The following DMD variants were observed in gnomAD, a reference collection of about 807,000 sequenced individuals.
DMD encodes the protein dystrophin.
A neutral mutation model predicts 330.1 loss-of-function variants in DMD; 63 were observed. The ratio of observed to expected loss-of-function variants is 0.19; its 90% CI spans 0.16 to 0.24. DMD has a LOEUF of 0.24. DMD is among the 10% of genes least tolerant of loss of function. The probability of loss-of-function intolerance (pLI) is 1.00; values close to 1 mark genes in which losing one functional copy is unlikely to be tolerated. For missense variants in DMD, 3,344 were observed against 2,684.1 expected (o/e 1.25, Z -5.43); for synonymous variants, 1,223 against 959.8 (o/e 1.27, Z -5.07).
chrX:32,711,415 TG>T (rs1453714043), intron 7 of DMD, among the ~76,000 whole-genome samples: 3 of 111,273 alleles, frequency 2.7e-5, no homozygotes, highest in African/African-American at 9.8e-5. Flanking sequence ...ATATGGGCTC[TG>T]ATCTTGGATT....
At chrX:31,949,471 T>C (rs542788795) in intron 45 of DMD, among the ~76,000 whole-genome samples, 115 of 111,723 alleles carry the variant, frequency 1.0e-3, no homozygotes, top group African/African-American at 3.4e-3. Flanking sequence ...CACAGGAATG[T>C]AATTTATTCT....
intron 1 of DMD, among the ~76,000 whole-genome samples, chrX:33,236,396 C>T (rs1341012334): frequency 9.2e-6 from 1 of 108,681 alleles, no homozygotes; most frequent in East Asian, 2.9e-4. Context: ...TCTCAAGTAG[C>T]TGGGATTACA....
intron 2 of DMD, among the ~76,000 whole-genome samples, chrX:32,892,484 C>G (rs1161074445): frequency 8.9e-6 from 1 of 111,920 alleles, no homozygotes; most frequent in Admixed American, 9.5e-5. Context: ...ACCTCTGCCT[C>G]CTGGGTTCAA....
intron 7 of DMD, among the ~76,000 whole-genome samples, chrX:32,767,370 C>A (rs903907080): frequency 1.4e-4 from 15 of 111,029 alleles, no homozygotes; most frequent in East Asian, 2.8e-4. Flanking sequence ...GGAAAAAAAA[C>A]CCCAAAATGA....
chrX:33,249,134 G>T (rs760430562), intron 1 of DMD, among the ~76,000 whole-genome samples: 1 of 111,884 alleles, frequency 8.9e-6, no homozygotes, highest in African/African-American at 3.2e-5. Context: ...CTTTATTATC[G>T]CTCAAATTTA....
intron 59 of DMD, among the ~76,000 whole-genome samples, chrX:31,449,763 G>GAT (rs59787771): frequency 0.06 from 3,742 of 62,165 alleles, 113 homozygotes; most frequent in Non-Finnish European, 0.075. Flanking sequence ...TAAATGGTGT[G>GAT]ATATATATAT....
At chrX:31,885,617 A>G (rs2094142031) in intron 47 of DMD, among the ~76,000 whole-genome samples, 1 of 86,846 alleles carries the variant, frequency 1.2e-5, no homozygotes, top group Non-Finnish European at 2.3e-5. Context: ...CTCACAAAAA[A>G]AAAAAAAAAA....
At chrX:31,146,739 T>C (rs920888814) in intron 75 of DMD, among the ~76,000 whole-genome samples, 1 of 112,173 alleles carries the variant, frequency 8.9e-6, no homozygotes, top group Non-Finnish European at 1.9e-5. Context: ...AAAACTGTAA[T>C]GGAAGATTCA....
At chrX:33,026,979 T>C (rs1299722125) in intron 1 of DMD, among the ~76,000 whole-genome samples, 4 of 112,237 alleles carry the variant, frequency 3.6e-5, no homozygotes, top group Non-Finnish European at 5.6e-5. Flanking sequence ...ATTTACTTTT[T>C]AGTCCTCTTC....
intron 2 of DMD, among the ~76,000 whole-genome samples, chrX:32,980,274 G>A (rs2092669590): frequency 9.6e-6 from 1 of 103,680 alleles, no homozygotes; most frequent in Non-Finnish European, 1.9e-5. Flanking sequence ...GCTGAGGCGC[G>A]AGGAATGCTT....
intron 44 of DMD, among the ~76,000 whole-genome samples, chrX:32,007,143 A>T (rs1461954571): frequency 9.6e-6 from 1 of 104,419 alleles, no homozygotes; most frequent in African/African-American, 3.5e-5. Context: ...TGGGTGCAGC[A>T]CACCAGCATG....
At chrX:31,990,473 CTA>C (rs1440381734) in intron 44 of DMD, among the ~76,000 whole-genome samples, 2 of 112,154 alleles carry the variant, frequency 1.8e-5, no homozygotes, top group African/African-American at 6.5e-5. Context: ...AGCTAAGAGA[CTA>C]TGCTAGTGTT....
intron 45 of DMD, among the ~76,000 whole-genome samples, chrX:31,942,225 G>A (rs897597418): frequency 9.0e-6 from 1 of 111,448 alleles, no homozygotes; most frequent in Admixed American, 9.5e-5. Context: ...TAGCCATTCT[G>A]TTCTGATTTC....
Position 33,010,000 on chromosome X carries a change from A to ATG in DMD, c.93+10137_93+10138dup, listed in dbSNP as rs1323678933. Among the ~76,000 whole-genome samples, 9 of 28,799 alleles carry ATG rather than the reference A, an allele frequency of 3.1e-4. 2 individuals carry two copies. Among genetic ancestry groups the ATG allele is most frequent in the Non-Finnish European group, 5.4e-4 (8 of 14,888 alleles). The allele number at this position is 28,799 out of a possible 115,157, so 25.0% of individuals were successfully genotyped here. A position where few individuals can be genotyped will look rare whatever the true frequency, so the allele number is the denominator to read the frequency against. ...TATACACATGTGTGTATATACACGTATGTATGTGTATATACACATATGTGT... is the reference window on the plus strand; with the variant it reads ...TATACACATGTGTGTATATACACGTATGTGTATGTGTATATACACATATGTGT... On this transcript the variant is annotated intron_variant, in intron 2 of 78. Transcript: ENST00000357033.
chrX:33,040,423 C>T, intron 1 of DMD, among the ~76,000 whole-genome samples: 1 of 110,708 alleles, frequency 9.0e-6, no homozygotes, highest in Middle Eastern at 4.6e-3. Flanking sequence ...CTCTTTGGCC[C>T]AGGATTCTGC....
At chrX:31,333,407 CTTTTTTTTTTTTTTT>C (rs145925904) in intron 61 of DMD, among the ~76,000 whole-genome samples, 1 of 39,338 alleles carries the variant, frequency 2.5e-5, no homozygotes, top group African/African-American at 1.0e-4. Context: ...CTGCCCCCGC[CTTTTTTTTTTTTTTT>C]TTTTTTTTTT....
At chrX:31,317,307 T>C (rs1456192345) in intron 62 of DMD, among the ~76,000 whole-genome samples, 3 of 111,185 alleles carry the variant, frequency 2.7e-5, no homozygotes, top group African/African-American at 9.8e-5. Context: ...TATTTAATGT[T>C]GTCTTAGCTG....
At chrX:31,132,601 T>C (rs886476363) in intron 77 of DMD, among the ~76,000 whole-genome samples, 3 of 111,638 alleles carry the variant, frequency 2.7e-5, no homozygotes, top group East Asian at 5.6e-4. Flanking sequence ...TCAATGATTG[T>C]ACTGTGATTT....
At chrX:31,247,150 A>G (rs1372945144) in intron 63 of DMD, among the ~76,000 whole-genome samples, 1 of 111,704 alleles carries the variant, frequency 9.0e-6, no homozygotes, top group Non-Finnish European at 1.9e-5. Flanking sequence ...GTACAAAGAG[A>G]TTCACGTTTT....
Sources: gnomAD v4.1 joint callset for allele counts (sites outside exome capture counted in the v4.1 genomes callset) on GRCh38, gnomAD v4.1.1 for gene constraint, MANE v1.5 for transcripts, NCBI Gene and HGNC (gene_info 2026-07-23, HGNC 2026-07-21) for gene names.